The following FDX1 variants were observed in gnomAD, a reference collection of about 807,000 sequenced individuals.
FDX1 encodes the protein adrenodoxin, mitochondrial.
In FDX1, 9 loss-of-function variants were observed where a neutral mutation model predicts 14.9. The ratio of observed to expected loss-of-function variants is 0.60; its 90% CI spans 0.36 to 1.05. The LOEUF is 1.05. FDX1 is among the 50% of genes least tolerant of loss of function. The pLI, the probability that FDX1 is intolerant of heterozygous loss-of-function variation, is 0.01. For missense variants in FDX1, 204 were observed against 237.2 expected (o/e 0.86, Z 0.92); for synonymous variants, 92 against 99.4 (o/e 0.93, Z 0.44).
chr11:110,433,324 C>A (rs1179554144), intron 1 of FDX1, among the ~76,000 whole-genome samples: 1 of 152,220 alleles, frequency 6.6e-6, no homozygotes, highest in African/African-American at 2.4e-5. Flanking sequence ...TTATTAAATT[C>A]AGCAGGTCTA....
In FDX1 at chr11:110,435,974, T is replaced by C. The variant is rs1341780978; in HGVS notation, c.310+16T>C. The C allele has an allele frequency of 6.3e-7, 1 of 1,593,644 alleles. No individual in the cohort carries two copies. On this transcript the variant is annotated intron_variant, in intron 2 of 3. Coordinates refer to ENST00000260270, the MANE Select transcript of FDX1 (RefSeq NM_004109.5). ...GATGGCTTTGGTGAGTATGAAACATTTCTTAAAATGCATAAGTGAAACTGT... is the reference window on the plus strand; with the variant it reads ...GATGGCTTTGGTGAGTATGAAACATCTCTTAAAATGCATAAGTGAAACTGT...
intron 2 of FDX1, among the ~76,000 whole-genome samples, chr11:110,449,367 A>T (rs1000278190): frequency 1.3e-5 from 2 of 152,212 alleles, no homozygotes; most frequent in African/African-American, 4.8e-5. Flanking sequence ...TCAGGTTATT[A>T]TCTGTGCTAA....
At chr11:110,453,131 G>C (rs777841622) in intron 2 of FDX1, among the ~76,000 whole-genome samples, 1 of 152,138 alleles carries the variant, frequency 6.6e-6, no homozygotes, top group Non-Finnish European at 1.5e-5. Flanking sequence ...GAGGTCAGGA[G>C]TTTGAGACCA....
intron 2 of FDX1, among the ~76,000 whole-genome samples, chr11:110,444,778 A>C (rs1946439309): frequency 1.4e-5 from 2 of 138,778 alleles, no homozygotes; most frequent in Non-Finnish European, 3.1e-5. Context: ...TTGCAGAACA[A>C]CCTCTGAGCT....
chr11:110,430,025 G>A lies in FDX1; in HGVS notation c.-96G>A, dbSNP rs1946318339. On this transcript the variant is annotated 5_prime_UTR_variant, in exon 1 of 4. Coordinates refer to ENST00000260270, the MANE Select transcript of FDX1 (RefSeq NM_004109.5). ...CCGCGCCCCTCGCCGCGGCCCTCGG[G>A]CGTCTGCGCCGCAGCTGCCGCCCCC... 5 of 904,778 alleles carry A rather than the reference G, an allele frequency of 5.5e-6. No homozygotes were observed. Among genetic ancestry groups the A allele is most frequent in the Non-Finnish European group, 7.1e-6 (5 of 700,450 alleles). The allele number at this position is 904,778 out of a possible 1,614,324, so 56.0% of individuals were successfully genotyped here. A position where few individuals can be genotyped will look rare whatever the true frequency, so the allele number is the denominator to read the frequency against.
chr11:110,444,722 ACGTATATATATATATATATATACACG>A lies in FDX1; in HGVS notation c.310+8765_310+8790del, dbSNP rs1565382008. On this transcript the variant is annotated intron_variant, in intron 2 of 3. Coordinates refer to ENST00000260270, the MANE Select transcript of FDX1 (RefSeq NM_004109.5). The stretch of plus-strand genomic sequence containing the variant: ...TATATATACGTATATATATATATAT[ACGTATATATATATATATATATACACG>A]TATATATATATATATATATTTGCAG... Among the ~76,000 whole-genome samples, 127 of 56,596 alleles carry A rather than the reference ACGTATATATATATATATATATACACG, an allele frequency of 2.2e-3. 4 individuals carry two copies. Among genetic ancestry groups the A allele is most frequent in the East Asian group, 0.014 (20 of 1,480 alleles). 37.1% of individuals were successfully genotyped at this position (56,596 alleles called of 152,430 possible). A position where few individuals can be genotyped will look rare whatever the true frequency, so the allele number is the denominator to read the frequency against.
chr11:110,450,577 G>A (rs1417347237), intron 2 of FDX1, among the ~76,000 whole-genome samples: 6 of 152,174 alleles, frequency 3.9e-5, no homozygotes, highest in Non-Finnish European at 7.4e-5. Flanking sequence ...TTGAAAGGTG[G>A]ACATAGTAAT....
At chr11:110,453,272 A>G (rs1221729188) in intron 2 of FDX1, among the ~76,000 whole-genome samples, 1 of 152,164 alleles carries the variant, frequency 6.6e-6, no homozygotes, top group Non-Finnish European at 1.5e-5. Flanking sequence ...CGGGAGGCGG[A>G]GGTTGCCGTG....
chr11:110,453,638 G>A (rs1415840059), intron 2 of FDX1, among the ~76,000 whole-genome samples: 6 of 150,750 alleles, frequency 4.0e-5, no homozygotes, highest in South Asian at 2.1e-4. Flanking sequence ...TTAATAAACC[G>A]TATAGGTTAA....
At chr11:110,456,699 G>A (rs544378725) in intron 2 of FDX1, among the ~76,000 whole-genome samples, 6 of 151,930 alleles carry the variant, frequency 3.9e-5, no homozygotes, top group Middle Eastern at 3.4e-3. Context: ...TAGTAAAGAC[G>A]GGATTTCACT....
At chr11:110,429,931 T>C (rs1946317019), upstream of FDX1, 1 of 351,234 alleles carries the variant, frequency 2.8e-6, no homozygotes, top group Non-Finnish European at 5.1e-6. Flanking sequence ...AATGTCTTTA[T>C]AGGTCACCCG....
upstream of FDX1, among the ~76,000 whole-genome samples, chr11:110,429,701 T>G (rs984892569): frequency 6.6e-6 from 1 of 151,690 alleles, no homozygotes; most frequent in Non-Finnish European, 1.5e-5. Flanking sequence ...GGGATGGGGG[T>G]ATGCGGAACA....
intron 2 of FDX1, among the ~76,000 whole-genome samples, chr11:110,456,592 C>T (rs1343188877): frequency 4.0e-5 from 6 of 149,896 alleles, no homozygotes; most frequent in South Asian, 2.1e-4. Context: ...CTGTAACCTC[C>T]GCCTCCCGGG....
chr11:110,434,369 C>T (rs920918286), intron 1 of FDX1, among the ~76,000 whole-genome samples: 3 of 135,788 alleles, frequency 2.2e-5, no homozygotes, highest in Non-Finnish European at 3.1e-5. Flanking sequence ...CAGAGTTTCA[C>T]TCTGCCACCC....
intron 2 of FDX1, among the ~76,000 whole-genome samples, chr11:110,454,200 A>C (rs1428371164): frequency 6.6e-6 from 1 of 152,240 alleles, no homozygotes; most frequent in African/African-American, 2.4e-5. Flanking sequence ...CAAGATGTGG[A>C]AATAATTGCC....
intron 1 of FDX1, among the ~76,000 whole-genome samples, chr11:110,434,567 A>G (rs1325952650): frequency 1.3e-5 from 2 of 151,896 alleles, no homozygotes; most frequent in African/African-American, 4.8e-5. Context: ...TTCTGACCTC[A>G]GGTAATCCGC....
intron 3 of FDX1, among the ~76,000 whole-genome samples, chr11:110,458,717 C>T (rs776880370): frequency 4.6e-5 from 7 of 151,776 alleles, no homozygotes; most frequent in Non-Finnish European, 4.4e-5. Flanking sequence ...AAGCAATTAT[C>T]CTGCCTCAGC....
At position 110,461,873 on chromosome 11, in the gene FDX1, T is replaced by G. The variant is rs778990297; in HGVS notation, c.441-481T>G. Among the ~76,000 whole-genome samples the G allele has an allele frequency of 2.0e-5, 3 of 152,242 alleles. No homozygotes were observed. The South Asian group carries it at 6.2e-4, about 31-fold the overall frequency. On this transcript the variant is annotated intron_variant, in intron 3 of 3. Transcript: ENST00000260270. Reference sequence around the variant, plus strand: ...GATGGTAAAAATTTGAGAAAAAATATGCTCTTATAATTGATGACTTAAGTC... The same window carrying G: ...GATGGTAAAAATTTGAGAAAAAATAGGCTCTTATAATTGATGACTTAAGTC...
upstream of FDX1, chr11:110,429,875 G>C: frequency 3.1e-6 from 1 of 322,978 alleles, no homozygotes. Flanking sequence ...CATGGGACCG[G>C]GCGGCGTGGG....
Sources: allele counts gnomAD v4.1 joint callset (sites outside exome capture counted in the v4.1 genomes callset), GRCh38; gene constraint gnomAD v4.1.1; transcripts MANE v1.5; gene names NCBI Gene and HGNC (gene_info 2026-07-23, HGNC 2026-07-21).